TRPM3: variants seen among roughly 807,000 people sequenced by gnomAD.
The protein encoded by TRPM3 is long transient receptor potential channel 3.
A neutral mutation model predicts 181.2 loss-of-function variants in TRPM3; 77 were observed. The observed-to-expected ratio is 0.42, with a 90% CI of 0.35 to 0.51. TRPM3 has a LOEUF of 0.51. Ranked by LOEUF, TRPM3 falls within the 20% of genes least tolerant of loss-of-function variation. The probability of loss-of-function intolerance (pLI) is 0.01; values close to 1 mark genes in which losing one functional copy is unlikely to be tolerated. For synonymous variants in TRPM3, 745 were observed against 796.4 expected (o/e 0.94, Z 1.09); for missense variants, 1,759 against 2,196.7 (o/e 0.80, Z 3.98).
intron 22 of TRPM3, among the ~76,000 whole-genome samples, chr9:70,567,220 A>G (rs1564358331): frequency 6.6e-6 from 1 of 152,198 alleles, no homozygotes; most frequent in Non-Finnish European, 1.5e-5. Flanking sequence ...AACCTGAACA[A>G]TTTTCTAGAC....
chr9:70,581,431 G>A (rs772476284), intron 22 of TRPM3, among the ~76,000 whole-genome samples: 3 of 152,252 alleles, frequency 2.0e-5, no homozygotes, highest in Non-Finnish European at 4.4e-5. Context: ...CCACTGGACA[G>A]TATCTTGCAA....
chr9:70,911,877 C>T (rs1365238615), intron 1 of TRPM3, among the ~76,000 whole-genome samples: 1 of 152,156 alleles, frequency 6.6e-6, no homozygotes, highest in Non-Finnish European at 1.5e-5. Context: ...TTCCCATTTG[C>T]CTCCCTAGAA....
intron 1 of TRPM3, among the ~76,000 whole-genome samples, chr9:70,982,150 G>A (rs184968448): frequency 4.6e-5 from 7 of 152,248 alleles, no homozygotes; most frequent in Middle Eastern, 3.4e-3. Context: ...CTCAGTCTCA[G>A]CTGGCTTATT....
intron 1 of TRPM3, among the ~76,000 whole-genome samples, chr9:71,096,560 G>A (rs1591381967): frequency 1.3e-5 from 1 of 78,402 alleles, no homozygotes; most frequent in Non-Finnish European, 2.2e-5. Flanking sequence ...GTGAGCGCAT[G>A]CACACACACA....
chr9:70,748,140 TAAG>T (rs373710048), intron 8 of TRPM3, among the ~76,000 whole-genome samples: 65 of 152,272 alleles, frequency 4.3e-4, no homozygotes, highest in African/African-American at 1.5e-3. Flanking sequence ...AAAGTAACTT[TAAG>T]AAGAAAGAGG....
At chr9:71,251,661 A>G (rs141484126) in intron 1 of TRPM3, among the ~76,000 whole-genome samples, 309 of 152,304 alleles carry the variant, frequency 2.0e-3, no homozygotes, top group African/African-American at 7.3e-3. Flanking sequence ...TAATCACAAC[A>G]TGGAAAATGG....
At chr9:71,075,984 T>G (rs1260042539) in intron 1 of TRPM3, among the ~76,000 whole-genome samples, 1 of 152,202 alleles carries the variant, frequency 6.6e-6, no homozygotes, top group African/African-American at 2.4e-5. Context: ...CCTTGATTTT[T>G]TTGTTGTTGT....
intron 18 of TRPM3, among the ~76,000 whole-genome samples, chr9:70,613,618 G>A (rs2062308652): frequency 2.0e-5 from 3 of 152,206 alleles, no homozygotes; most frequent in Admixed American, 2.0e-4. Context: ...ACAGACAACT[G>A]CTGTCCAGCC....
intron 1 of TRPM3, among the ~76,000 whole-genome samples, chr9:71,359,986 G>A (rs1263887898): frequency 6.6e-6 from 1 of 152,108 alleles, no homozygotes; most frequent in Non-Finnish European, 1.5e-5. Context: ...AGAGTGGCTG[G>A]TACTTAGTGG....
At chr9:71,186,560 A>G (rs963055580) in intron 1 of TRPM3, among the ~76,000 whole-genome samples, 2 of 152,018 alleles carry the variant, frequency 1.3e-5, no homozygotes, top group Non-Finnish European at 2.9e-5. Flanking sequence ...CTGATGTCCA[A>G]AGATGCACTG....
chr9:70,935,288 T>TCC (rs2096817895), intron 1 of TRPM3, among the ~76,000 whole-genome samples: 1 of 152,162 alleles, frequency 6.6e-6, no homozygotes, highest in Non-Finnish European at 1.5e-5. Context: ...TCAGTTTGTC[T>TCC]CCCCTACCAG....
intron 1 of TRPM3, among the ~76,000 whole-genome samples, chr9:70,873,054 A>G (rs979676469): frequency 1.3e-5 from 2 of 151,758 alleles, no homozygotes; most frequent in Non-Finnish European, 2.9e-5. Flanking sequence ...TCCTTTTTGG[A>G]GTTGTGAAAA....
intron 1 of TRPM3, among the ~76,000 whole-genome samples, chr9:71,423,796 G>A (rs189521023): frequency 2.4e-4 from 36 of 152,108 alleles, no homozygotes; most frequent in Non-Finnish European, 4.6e-4. Context: ...TCTCTACCAG[G>A]AAGGTCAAAA....
At chr9:70,929,138 G>A (rs1337762975) in intron 1 of TRPM3, among the ~76,000 whole-genome samples, 1 of 151,676 alleles carries the variant, frequency 6.6e-6, no homozygotes, top group African/African-American at 2.4e-5. Flanking sequence ...TTCAGTTGCT[G>A]GCTAATTACA....
chr9:71,215,013 C>T (rs1300720967), intron 1 of TRPM3, among the ~76,000 whole-genome samples: 1 of 128,668 alleles, frequency 7.8e-6, no homozygotes, highest in Non-Finnish European at 1.6e-5. Context: ...GATATCTGTT[C>T]ACTCTGCCTC....
At chr9:70,648,928 C>G (rs548471658) in intron 9 of TRPM3, among the ~76,000 whole-genome samples, 2 of 152,184 alleles carry the variant, frequency 1.3e-5, no homozygotes, top group South Asian at 4.2e-4. Flanking sequence ...CTGGACATAG[C>G]ACCTGGCACA....
intron 7 of TRPM3, among the ~76,000 whole-genome samples, chr9:70,781,110 G>A (rs2082346899): frequency 6.6e-6 from 1 of 152,018 alleles, no homozygotes; most frequent in African/African-American, 2.4e-5. Flanking sequence ...AGGATCACGA[G>A]GTTAGGAGAT....
intron 1 of TRPM3, among the ~76,000 whole-genome samples, chr9:71,423,613 T>C (rs1032153662): frequency 6.6e-6 from 1 of 152,124 alleles, no homozygotes; most frequent in Admixed American, 6.6e-5. Context: ...TATATTCTTC[T>C]AGAAAAACAA....
At chr9:70,822,699 A>C (rs1243995791) in intron 6 of TRPM3, among the ~76,000 whole-genome samples, 2 of 152,126 alleles carry the variant, frequency 1.3e-5, no homozygotes, top group Non-Finnish European at 2.9e-5. Context: ...AATCATTAAA[A>C]TGGTAAATTC....
Sources: gnomAD v4.1 joint callset for allele counts (sites outside exome capture counted in the v4.1 genomes callset) on GRCh38, gnomAD v4.1.1 for gene constraint, MANE v1.5 for transcripts, NCBI Gene and HGNC (gene_info 2026-07-23, HGNC 2026-07-21) for gene names.